NEGR1: variants seen among roughly 807,000 people sequenced by gnomAD.
NEGR1 encodes neuronal growth regulator 1.
NEGR1 carries 10 observed loss-of-function variants against 40.9 expected under a neutral mutation model. That is an observed-to-expected ratio of 0.24 (90% CI 0.15 to 0.42). The LOEUF (loss-of-function observed/expected upper bound fraction) is 0.42, where lower values mean the gene tolerates loss of function less well. Among genes scored for constraint, NEGR1 ranks in the 10% least tolerant of loss-of-function variants. NEGR1 has a pLI of 1.00. For synonymous variants in NEGR1, 185 were observed against 166.8 expected (o/e 1.11, Z -0.84); for missense variants, 352 against 438.9 (o/e 0.80, Z 1.77).
intron 6 of NEGR1, among the ~76,000 whole-genome samples, chr1:71,417,007 TA>T (rs1363451724): frequency 1.3e-5 from 2 of 152,176 alleles, no homozygotes; most frequent in Non-Finnish European, 2.9e-5. Context: ...ATGATGTGCT[TA>T]AATTAGATGC....
intron 1 of NEGR1, among the ~76,000 whole-genome samples, chr1:71,965,062 C>A (rs919650479): frequency 6.6e-6 from 1 of 152,020 alleles, no homozygotes; most frequent in Non-Finnish European, 1.5e-5. Context: ...TGACCCAGAC[C>A]CAATGGAAGC....
intron 5 of NEGR1, among the ~76,000 whole-genome samples, chr1:71,610,216 G>C (rs976774215): frequency 1.3e-5 from 2 of 152,106 alleles, no homozygotes; most frequent in African/African-American, 4.8e-5. Context: ...TGGCTTTTTT[G>C]ACTTCGAAAG....
intron 1 of NEGR1, among the ~76,000 whole-genome samples, chr1:72,120,614 C>T (rs1649763923): frequency 6.6e-6 from 1 of 151,850 alleles, no homozygotes; most frequent in Admixed American, 6.6e-5. Flanking sequence ...CACCCACTAA[C>T]TCGTCATCTA....
intron 1 of NEGR1, among the ~76,000 whole-genome samples, chr1:72,153,471 T>C (rs1651243415): frequency 6.6e-6 from 1 of 151,968 alleles, no homozygotes; most frequent in Non-Finnish European, 1.5e-5. Flanking sequence ...GAAATATTAT[T>C]ATTATCATAT....
intron 6 of NEGR1, among the ~76,000 whole-genome samples, chr1:71,448,099 C>T (rs1288660356): frequency 1.3e-5 from 2 of 152,044 alleles, no homozygotes; most frequent in Admixed American, 6.6e-5. Context: ...AAGGGAAACA[C>T]GGTTTTCTGA....
intron 1 of NEGR1, among the ~76,000 whole-genome samples, chr1:72,217,792 T>G (rs1653873597): frequency 6.6e-6 from 1 of 151,858 alleles, no homozygotes; most frequent in Admixed American, 6.6e-5. Flanking sequence ...AAAACTTTTA[T>G]GATTTGATAA....
intron 1 of NEGR1, among the ~76,000 whole-genome samples, chr1:72,069,935 T>C (rs1647393168): frequency 6.6e-6 from 1 of 152,108 alleles, no homozygotes; most frequent in Admixed American, 6.6e-5. Context: ...TTCAAGTATA[T>C]CTATCTGTTT....
In NEGR1 at chr1:71,653,534, G is replaced by A. The variant is rs563040959; in HGVS notation, c.668-42388C>T. Among the ~76,000 whole-genome samples, 3 of 151,842 alleles carry A rather than the reference G, an allele frequency of 2.0e-5. No homozygotes were observed. In the East Asian group the frequency reaches 5.8e-4, roughly 29 times the overall value. ...GAGGTCTTTGATTTTCATTTATTGTGTTTTTTTAATCAATTGACTGTACAC... is the reference window on the plus strand; with the variant it reads ...GAGGTCTTTGATTTTCATTTATTGTATTTTTTTAATCAATTGACTGTACAC... On this transcript the variant is annotated intron_variant, in intron 4 of 6. Transcript: ENST00000357731.
At chr1:71,978,224 G>C (rs1239036622) in intron 1 of NEGR1, among the ~76,000 whole-genome samples, 1 of 152,092 alleles carries the variant, frequency 6.6e-6, no homozygotes, top group Non-Finnish European at 1.5e-5. Flanking sequence ...ATATGAGACT[G>C]AGCAACAACT....
At chr1:71,425,232 G>C (rs143479456) in intron 6 of NEGR1, among the ~76,000 whole-genome samples, 2,450 of 152,216 alleles carry the variant, frequency 0.016, 41 homozygotes, top group South Asian at 0.076. Context: ...CCTGGAGCAG[G>C]AAGGCTTAAA....
chr1:71,944,820 A>C (rs1051653572), intron 1 of NEGR1, among the ~76,000 whole-genome samples: 1 of 152,306 alleles, frequency 6.6e-6, no homozygotes, highest in Middle Eastern at 3.4e-3. Flanking sequence ...TGAATAAAAA[A>C]TGGTTACACA....
At chr1:71,823,552 A>G (rs1658509731) in intron 2 of NEGR1, among the ~76,000 whole-genome samples, 1 of 151,998 alleles carries the variant, frequency 6.6e-6, no homozygotes, top group African/African-American at 2.4e-5. Context: ...TGACTTGGCA[A>G]TTTTGATAAA....
intron 1 of NEGR1, among the ~76,000 whole-genome samples, chr1:72,145,040 A>G (rs1650854799): frequency 6.6e-6 from 1 of 152,098 alleles, no homozygotes; most frequent in African/African-American, 2.4e-5. Context: ...TGTCAGATTT[A>G]ACAAGGAACT....
At chr1:71,926,256 A>G (rs1023234917) in intron 2 of NEGR1, among the ~76,000 whole-genome samples, 19 of 152,100 alleles carry the variant, frequency 1.2e-4, no homozygotes, top group Admixed American at 6.6e-5. Flanking sequence ...CCAAATGAAT[A>G]ATATATAATA....
chr1:71,920,874 A>G (rs939959280), intron 2 of NEGR1, among the ~76,000 whole-genome samples: 1 of 152,010 alleles, frequency 6.6e-6, no homozygotes, highest in African/African-American at 2.4e-5. Flanking sequence ...TCTGTAAGTT[A>G]TTTTTCTTAA....
Position 71,885,271 on chromosome 1 carries a change from C to G in NEGR1, c.409+49808G>C, listed in dbSNP as rs1660692983. ...TCAGCTTCAAATTTAATTACACTTT[C>G]TGCATTTCAAACCATTGAGGTACTT... On this transcript the variant is annotated intron_variant, in intron 2 of 6. Coordinates refer to ENST00000357731, the MANE Select transcript of NEGR1 (RefSeq NM_173808.3). Among the ~76,000 whole-genome samples, 5 of 152,306 alleles carry G rather than the reference C, an allele frequency of 3.3e-5. No homozygotes were observed. In the South Asian group the frequency reaches 1.0e-3, roughly 32 times the overall value.
At chr1:72,137,837 A>T (rs1296902445) in intron 1 of NEGR1, among the ~76,000 whole-genome samples, 1 of 152,276 alleles carries the variant, frequency 6.6e-6, no homozygotes, top group African/African-American at 2.4e-5. Flanking sequence ...CATACAGAAG[A>T]CCACTTGTGT....
At chr1:72,221,343 T>C (rs1570139744) in intron 1 of NEGR1, among the ~76,000 whole-genome samples, 5 of 152,130 alleles carry the variant, frequency 3.3e-5, no homozygotes, top group Middle Eastern at 6.8e-3. Context: ...CAGTTTCAGG[T>C]GAATGTGAAT....
chr1:71,782,754 T>C (rs890890142), intron 2 of NEGR1, among the ~76,000 whole-genome samples: 1 of 152,172 alleles, frequency 6.6e-6, no homozygotes, highest in East Asian at 1.9e-4. Flanking sequence ...TCTGAGAATA[T>C]GGTGAAAATG....
Sources: allele counts gnomAD v4.1 joint callset (sites outside exome capture counted in the v4.1 genomes callset), GRCh38; gene constraint gnomAD v4.1.1; transcripts MANE v1.5; gene names NCBI Gene and HGNC (gene_info 2026-07-23, HGNC 2026-07-21).